The following WNT7B variants were observed in gnomAD, a reference collection of about 807,000 sequenced individuals.
WNT7B encodes the protein protein Wnt-7b.
WNT7B carries 19 observed loss-of-function variants against 38.2 expected under a neutral mutation model. The ratio of observed to expected loss-of-function variants is 0.50; its 90% confidence interval spans 0.35 to 0.73. WNT7B has a LOEUF of 0.73. Among genes scored for constraint, WNT7B ranks in the 30% least tolerant of loss-of-function variants. WNT7B has a pLI of 0.01. For missense variants in WNT7B, 423 were observed against 507.9 expected, an observed-to-expected ratio of 0.83 and a Z score of 1.61; for synonymous variants, 243 against 209.3, an observed-to-expected ratio of 1.16 and a Z score of -1.39.
chr22:45,923,000 G>C lies in WNT7B; in HGVS notation c.906C>G (p.Asp302Glu), dbSNP rs77993233. 1.9e-6 allele frequency: 3 copies of C among 1,613,018 alleles called. No individual in the cohort carries two copies. The highest frequency in any genetic ancestry group is 2.2e-5 in the East Asian group (1 of 44,866). Residue 302 changes from aspartate (D) to glutamate (E), a missense_variant, in exon 4 of 4, where the codon GAC becomes GAG. By Grantham distance (45) the Asp-to-Glu change is conservative (BLOSUM62 2). Around this residue, in one of 3 missense-constraint regions of WNT7B, gnomAD observed 158 missense variants for 214.7 expected, o/e 0.74. Transcript: ENST00000339464. Reference sequence around the variant, plus strand: ...GGCCGCAGCACATGGTGTCACAGCCGTCCGCGCCGGGCGACGTGCGGTTGC... The same window carrying C: ...GGCCGCAGCACATGGTGTCACAGCCCTCCGCGCCGGGCGACGTGCGGTTGC... The part of the protein sequence containing the change: ...RLCNRTSPGA[D>E]GCDTMCCGRG...
chr22:45,966,622 G>T lies in WNT7B; in HGVS notation c.71+10062C>A, dbSNP rs1301182170. The stretch of plus-strand genomic sequence containing the variant: ...CTCCCAGGCCCAGCTCCAGGCACCT[G>T]CAGGCTTCACACTCTAAAGCTGCAA... On this transcript the variant is annotated intron_variant, in intron 1 of 3. Transcript: ENST00000339464. This position sits in a 1 kb window ranked among gnomAD's most constrained non-coding sequence, Gnocchi z 4.2. Among the ~76,000 whole-genome samples, 1 of 152,194 alleles carries T rather than the reference G, an allele frequency of 6.6e-6. No individual in the cohort carries two copies. Among genetic ancestry groups the T allele is most frequent in the Non-Finnish European group, 1.5e-5 (1 of 68,034 alleles).
At chr22:45,946,807 A>T (rs200024258) in intron 2 of WNT7B, among the ~76,000 whole-genome samples, 21 of 152,352 alleles carry the variant, frequency 1.4e-4, no homozygotes, top group Non-Finnish European at 2.6e-4. Context: ...ACACCAGGTG[A>T]TGGAAAAGGG....
Position 45,946,396 on chromosome 22 carries a change from C to T in WNT7B, c.298+3524G>A, listed in dbSNP as rs1931796727. On this transcript the variant is annotated intron_variant, in intron 2 of 3. Transcript: ENST00000339464. ...TCGATGATAGTGCCTGGTTGAAACT[C>T]CCTGCCTTGTTGGGGGGCCCCAGGT... is the stretch of plus-strand genomic sequence containing the variant. 2.0e-5 allele frequency among the ~76,000 whole-genome samples: 3 copies of T among 152,224 alleles called. No individual in the cohort carries two copies. In the South Asian group the frequency reaches 6.2e-4, roughly 31 times the overall value.
chr22:45,976,699 A>C lies in WNT7B; in HGVS notation c.56T>G (p.Leu19Arg). Residue 19 changes from leucine (L) to arginine (R), a missense_variant, in exon 1 of 4, where the codon CTG (leucine) becomes CGG (arginine). Physicochemically the swap from Leu to Arg is moderately radical, Grantham distance 102 (BLOSUM62 -2). Transcript: ENST00000339464. This position sits in a 1 kb window ranked among gnomAD's most constrained non-coding sequence, Gnocchi z 8.5. The stretch of plus-strand genomic sequence containing the variant: ...GGGTACTCACCCGAGCTTCACGTAC[A>C]GGACGCCAAAGCAGAGAAACACGTA... The part of the protein sequence containing the change: ...IFYVFLCFGV[L>R]YVKLGALSSV... 6.2e-7 allele frequency: 1 copy of C among 1,609,616 alleles called. No individual in the cohort carries two copies. Among genetic ancestry groups the C allele is most frequent in the South Asian group, 1.1e-5 (1 of 90,770 alleles).
chr22:45,958,189 G>A (rs1381890921), intron 1 of WNT7B, among the ~76,000 whole-genome samples: 2 of 152,246 alleles, frequency 1.3e-5, no homozygotes, highest in Non-Finnish European at 2.9e-5. Context: ...AAGGAACAGG[G>A]TTGTGGGACG....
At chr22:45,946,563 G>C (rs1300542893) in intron 2 of WNT7B, among the ~76,000 whole-genome samples, 1 of 152,202 alleles carries the variant, frequency 6.6e-6, no homozygotes, top group East Asian at 1.9e-4. Flanking sequence ...AGACACAAGA[G>C]ACAAGCCTCT....
At position 45,977,033 on chromosome 22, in the gene WNT7B, G is replaced by A. The variant is rs1189249076; in HGVS notation, c.-279C>T. ...CGACCGTGGACCCCTGCAAGCGCGGGCCGGGGGCCCGGGCGCGGCTGGCGG... is the reference window on the plus strand; with the variant it reads ...CGACCGTGGACCCCTGCAAGCGCGGACCGGGGGCCCGGGCGCGGCTGGCGG... On this transcript the variant is annotated 5_prime_UTR_variant, in exon 1 of 4. Transcript: ENST00000339464. 2.0e-6 allele frequency: 2 copies of A among 984,766 alleles called. No homozygotes were observed. The highest frequency in any genetic ancestry group is 3.5e-5 in the African/African-American group (2 of 57,112). 61.0% of individuals were successfully genotyped at this position (984,766 alleles called of 1,614,324 possible).
At chr22:45,927,575 C>T (rs1601714881) in intron 3 of WNT7B, 5 of 1,168,578 alleles carry the variant, frequency 4.3e-6, no homozygotes, top group Non-Finnish European at 6.3e-6. Flanking sequence ...CAAGTAGGCC[C>T]TAAATCCAAT....
In WNT7B at chr22:45,964,531, A is replaced by C. The variant is rs1403938257; in HGVS notation, c.71+12153T>G. ...GTGGGGGTGTCAGCCGCACCTGGAA[A>C]TTCCCAACACTTCCCCGTCAGTGGT... On this transcript the variant is annotated intron_variant, in intron 1 of 3. Coordinates refer to ENST00000339464, the MANE Select transcript of WNT7B (RefSeq NM_058238.3). Among the ~76,000 whole-genome samples, 3 of 152,112 alleles carry C rather than the reference A, an allele frequency of 2.0e-5. No homozygotes were observed. The East Asian group carries it at 5.8e-4, about 29-fold the overall frequency.
chr22:45,975,666 C>A lies in WNT7B; in HGVS notation c.71+1018G>T. 1.4e-6 allele frequency: 1 copy of A among 694,320 alleles called. No homozygotes were observed. Among genetic ancestry groups the A allele is most frequent in the Admixed American group, 2.0e-5 (1 of 48,994 alleles). 43.0% of individuals were successfully genotyped at this position (694,320 alleles called of 1,614,324 possible). A position where few individuals can be genotyped will look rare whatever the true frequency, so the allele number is the denominator to read the frequency against. ...CCAGTGGTACCTGCACCTGCCCCTC[C>A]CGCGGGTCTGTTCACCGCCTTGCCT... On this transcript the variant is annotated intron_variant, in intron 1 of 3. Coordinates refer to ENST00000339464, the MANE Select transcript of WNT7B (RefSeq NM_058238.3). This position sits in a 1 kb window ranked among gnomAD's most constrained non-coding sequence, Gnocchi z 6.6.
intron 3 of WNT7B, among the ~76,000 whole-genome samples, chr22:45,930,836 T>C (rs1931323498): frequency 6.6e-6 from 1 of 152,108 alleles, no homozygotes; most frequent in Non-Finnish European, 1.5e-5. Context: ...TGCATGGAAA[T>C]GGAGTCCCCA....
chr22:45,972,355 G>A lies in WNT7B; in HGVS notation c.71+4329C>T, dbSNP rs564351448. The A allele has an allele frequency of 6.9e-3, 2,480 of 360,274 alleles. 14 individuals are homozygous for A. The highest frequency in any genetic ancestry group is 9.9e-3 in the Non-Finnish European group (2,003 of 201,332). 22.3% of individuals were successfully genotyped at this position (360,274 alleles called of 1,614,324 possible). A position where few individuals can be genotyped will look rare whatever the true frequency, so the allele number is the denominator to read the frequency against. On this transcript the variant is annotated intron_variant, in intron 1 of 3. Coordinates refer to ENST00000339464, the MANE Select transcript of WNT7B (RefSeq NM_058238.3). Reference sequence around the variant, plus strand: ...CAGGGCGGCGGCGCTGGGCGCTAGGGGCCGGGTCTCGTGGGCCCGGGCGCA... The same window carrying A: ...CAGGGCGGCGGCGCTGGGCGCTAGGAGCCGGGTCTCGTGGGCCCGGGCGCA...
intron 2 of WNT7B, among the ~76,000 whole-genome samples, chr22:45,940,318 C>A (rs545553369): frequency 6.6e-6 from 1 of 152,234 alleles, no homozygotes; most frequent in African/African-American, 2.4e-5. Context: ...AGGTGAGACA[C>A]CGAGCCGGGA....
chr22:45,940,819 G>A (rs1224556585), intron 2 of WNT7B, among the ~76,000 whole-genome samples: 1 of 152,228 alleles, frequency 6.6e-6, no homozygotes, highest in Non-Finnish European at 1.5e-5. Context: ...CAAAGGATGG[G>A]AGAGGTGAGG....
chr22:45,927,674 T>TCACCTGAGGTTAGGGGTTCAAGAC (rs1459804528), intron 3 of WNT7B: 8 of 715,624 alleles, frequency 1.1e-5, no homozygotes, highest in African/African-American at 3.5e-5. Flanking sequence ...GGCGGGCAGA[T>TCACCTGAGGTTAGGGGTTCAAGAC]CACCTGAGGT....
chr22:45,930,803 C>T (rs1373400208), intron 3 of WNT7B, among the ~76,000 whole-genome samples: 3 of 152,196 alleles, frequency 2.0e-5, no homozygotes, highest in African/African-American at 7.2e-5. Context: ...CACGGGGTCC[C>T]CAGCCAAGCC....
Position 45,923,309 on chromosome 22 carries a change from C to G in WNT7B, c.597G>C (p.Glu199Asp). The change falls in exon 4 of 4, where the codon GAG (glutamate) becomes GAC (aspartate). Residue 199 changes from glutamate (E) to aspartate (D), a missense_variant. By Grantham distance (45) the Glu-to-Asp change is conservative (BLOSUM62 2). Transcript: ENST00000339464. Reference sequence around the variant, plus strand: ...AGCCAGACACGCCGTGGCACTTGCACTCCAGCTGCATCCGGTCCTCTAGAA... The same window carrying G: ...AGCCAGACACGCCGTGGCACTTGCAGTCCAGCTGCATCCGGTCCTCTAGAA... ...RKVLEDRMQLECKCHGVSGSC... is the reference protein window; with the variant it reads ...RKVLEDRMQLDCKCHGVSGSC... The G allele has an allele frequency of 1.9e-6, 3 of 1,609,356 alleles. No homozygotes were observed. The South Asian group carries it at 3.3e-5, about 18-fold the overall frequency.
Position 45,966,804 on chromosome 22 carries a change from G to T in WNT7B, c.71+9880C>A, listed in dbSNP as rs1489364582. On this transcript the variant is annotated intron_variant, in intron 1 of 3. Coordinates refer to ENST00000339464, the MANE Select transcript of WNT7B (RefSeq NM_058238.3). This position sits in a 1 kb window ranked among gnomAD's most constrained non-coding sequence, Gnocchi z 4.2. ...AAGCCTCACTTGCCACTCTACTACT[G>T]AGACTGTGGGATGGCCTCTGGAAAG... is the stretch of plus-strand genomic sequence containing the variant. 6.6e-6 allele frequency among the ~76,000 whole-genome samples: 1 copy of T among 152,242 alleles called. No homozygotes were observed. Among genetic ancestry groups the T allele is most frequent in the Admixed American group, 6.5e-5 (1 of 15,282 alleles).
chr22:45,923,763 A>C (rs1601712524), intron 3 of WNT7B, among the ~76,000 whole-genome samples: 1 of 151,922 alleles, frequency 6.6e-6, no homozygotes, highest in Non-Finnish European at 1.5e-5. Context: ...TCATTACCCC[A>C]CCCTGCCATC....
Sources: gnomAD v4.1 joint callset for allele counts (sites outside exome capture counted in the v4.1 genomes callset) on GRCh38, gnomAD v4.1.1 for gene constraint, gnomAD v4.1.1 regional missense constraint, Gnocchi (gnomAD v3.1) non-coding constraint, MANE v1.5 for transcripts, NCBI Gene and HGNC (gene_info 2026-07-23, HGNC 2026-07-21) for gene names.